The following KCNQ5 variants were observed in gnomAD, a reference collection of about 807,000 sequenced individuals.
KCNQ5 encodes potassium voltage-gated channel subfamily KQT member 5.
Under a neutral mutation model 98.2 loss-of-function variants are expected in KCNQ5, and 30 were observed. The observed-to-expected ratio is 0.31, with a 90% CI of 0.23 to 0.41. The LOEUF is 0.41. KCNQ5 is among the 10% of genes least tolerant of loss of function. KCNQ5 has a pLI of 1.00. For missense variants in KCNQ5, 835 were observed against 1,182.5 expected (o/e 0.71, Z 4.31); for synonymous variants, 458 against 449.4 (o/e 1.02, Z -0.24).
intron 2 of KCNQ5, among the ~76,000 whole-genome samples, chr6:73,020,695 G>A (rs1770562706): frequency 6.6e-6 from 1 of 152,108 alleles, no homozygotes; most frequent in African/African-American, 2.4e-5. Flanking sequence ...TCCTGAAGCT[G>A]CCTAGGGGTT....
intron 1 of KCNQ5, among the ~76,000 whole-genome samples, chr6:72,641,583 A>T (rs756147569): frequency 6.6e-6 from 1 of 152,104 alleles, no homozygotes; most frequent in African/African-American, 2.4e-5. Context: ...CAGCTTTGCA[A>T]GCACACTATT....
intron 1 of KCNQ5, among the ~76,000 whole-genome samples, chr6:72,688,132 G>A (rs1768046999): frequency 6.6e-6 from 1 of 152,162 alleles, no homozygotes; most frequent in Non-Finnish European, 1.5e-5. Flanking sequence ...CTAAATGCAT[G>A]TTACATTGCT....
intron 1 of KCNQ5, among the ~76,000 whole-genome samples, chr6:72,974,860 C>T (rs1768086712): frequency 6.6e-6 from 1 of 152,060 alleles, no homozygotes; most frequent in African/African-American, 2.4e-5. Flanking sequence ...CTGCCTCAGC[C>T]TCCCAAGTAG....
intron 1 of KCNQ5, among the ~76,000 whole-genome samples, chr6:72,626,159 A>G (rs1241015456): frequency 6.6e-6 from 1 of 152,248 alleles, no homozygotes; most frequent in Non-Finnish European, 1.5e-5. Context: ...GCCTGTGAAC[A>G]AGTGTGAAAC....
intron 5 of KCNQ5, among the ~76,000 whole-genome samples, chr6:73,100,717 A>T (rs908142374): frequency 6.6e-6 from 1 of 151,914 alleles, no homozygotes; most frequent in African/African-American, 2.4e-5. Flanking sequence ...TGTTTTTTGA[A>T]AAGATAAACA....
At chr6:73,150,206 T>C (rs1449153610) in intron 10 of KCNQ5, among the ~76,000 whole-genome samples, 3 of 151,946 alleles carry the variant, frequency 2.0e-5, no homozygotes. Context: ...AAACTAGGGA[T>C]GACACAAAAT....
chr6:72,844,215 G>T (rs1298979760), intron 1 of KCNQ5, among the ~76,000 whole-genome samples: 2 of 152,124 alleles, frequency 1.3e-5, no homozygotes, highest in East Asian at 3.9e-4. Context: ...TTTTTGGAGG[G>T]AATGAGCTCA....
At chr6:72,669,704 C>T (rs900416569) in intron 1 of KCNQ5, among the ~76,000 whole-genome samples, 1 of 152,134 alleles carries the variant, frequency 6.6e-6, no homozygotes, top group Non-Finnish European at 1.5e-5. Context: ...CCAAGAAGTT[C>T]GACAGCCTTC....
rs1767505435 is a variant in KCNQ5, at chr6:72,964,290, TTGCAATTTCATG to T, written c.399-39615_399-39604del. 2.0e-5 allele frequency among the ~76,000 whole-genome samples: 3 copies of T among 152,286 alleles called. No homozygotes were observed. The South Asian group carries it at 6.2e-4, about 32-fold the overall frequency. On this transcript the variant is annotated intron_variant, in intron 1 of 13. Coordinates refer to ENST00000370398, the MANE Select transcript of KCNQ5 (RefSeq NM_019842.4). ...CTCACTTTACTCCTCTGGATGACCC[TTGCAATTTCATG>T]TGGATTATTATAGAGATCTGGTCAA...
At chr6:72,768,642 T>C (rs2154477325) in intron 1 of KCNQ5, among the ~76,000 whole-genome samples, 1 of 151,990 alleles carries the variant, frequency 6.6e-6, no homozygotes, top group East Asian at 1.9e-4. Flanking sequence ...TCAACGTAAT[T>C]GGAGGAAAGT....
chr6:72,699,534 T>C (rs958444153), intron 1 of KCNQ5, among the ~76,000 whole-genome samples: 3 of 152,226 alleles, frequency 2.0e-5, no homozygotes, highest in African/African-American at 7.2e-5. Context: ...ATTATCCTAC[T>C]TGGCTGCTTA....
intron 1 of KCNQ5, among the ~76,000 whole-genome samples, chr6:72,745,780 A>G (rs1314221879): frequency 6.6e-6 from 1 of 152,160 alleles, no homozygotes; most frequent in Non-Finnish European, 1.5e-5. Context: ...GTTTGAAGTC[A>G]AGGTGTGTCT....
chr6:73,192,636 A>G lies in KCNQ5; in HGVS notation c.1781A>G (p.His594Arg), dbSNP rs1239079699. ...AGCCGAGAGAAAATAACAGCAGAAC[A>G]TGAGACCACAGACGATCTCAGTATG... ...KKSREKITAE[H>R]ETTDDLSMLG... Residue 594 changes from histidine (H) to arginine (R), a missense_variant, in exon 13 of 14, where the codon CAT becomes CGT. Physicochemically the swap from His to Arg is conservative, Grantham distance 29. This residue lies in a region of KCNQ5 where 416 missense variants were observed against 446.9 expected (regional missense o/e 0.93). Transcript: ENST00000370398. 1.9e-6 allele frequency: 3 copies of G among 1,612,936 alleles called. No homozygotes were observed. Among genetic ancestry groups the G allele is most frequent in the Admixed American group, 1.7e-5 (1 of 59,824 alleles).
chr6:73,083,608 T>C (rs75884466), intron 5 of KCNQ5, among the ~76,000 whole-genome samples: 1 of 152,240 alleles, frequency 6.6e-6, no homozygotes, highest in Non-Finnish European at 1.5e-5. Context: ...GAATATTACA[T>C]TTATGTGCTT....
At chr6:73,186,896 C>T (rs1765384320) in intron 11 of KCNQ5, among the ~76,000 whole-genome samples, 1 of 151,936 alleles carries the variant, frequency 6.6e-6, no homozygotes, top group Non-Finnish European at 1.5e-5. Flanking sequence ...CACCCATTAA[C>T]TCGTCATTTA....
In KCNQ5 at chr6:73,058,789, G is replaced by A. The variant is rs542465773; in HGVS notation, c.616+16727G>A. Among the ~76,000 whole-genome samples, 12 of 152,210 alleles carry A rather than the reference G, an allele frequency of 7.9e-5. No individual in the cohort carries two copies. The South Asian group carries it at 1.9e-3, about 24-fold the overall frequency. ...GACACTTGTAAAAGAAGACATACACGTGGCCAAGAAGCATATAAAAAAATG... is the reference window on the plus strand; with the variant it reads ...GACACTTGTAAAAGAAGACATACACATGGCCAAGAAGCATATAAAAAAATG... On this transcript the variant is annotated intron_variant, in intron 3 of 13. Coordinates refer to ENST00000370398, the MANE Select transcript of KCNQ5 (RefSeq NM_019842.4).
At chr6:72,904,823 ATTTAG>A (rs1332432434) in intron 1 of KCNQ5, among the ~76,000 whole-genome samples, 3 of 151,998 alleles carry the variant, frequency 2.0e-5, no homozygotes, top group Non-Finnish European at 4.4e-5. Flanking sequence ...AATAATCTTC[ATTTAG>A]ATAACCTGAT....
intron 1 of KCNQ5, among the ~76,000 whole-genome samples, chr6:72,656,101 G>A (rs1766184015): frequency 6.6e-6 from 1 of 152,118 alleles, no homozygotes; most frequent in Admixed American, 6.6e-5. Context: ...TACCACTTTT[G>A]TCTGTATTAA....
intron 5 of KCNQ5, among the ~76,000 whole-genome samples, chr6:73,078,693 A>G (rs1165194194): frequency 6.6e-6 from 1 of 152,232 alleles, no homozygotes; most frequent in Non-Finnish European, 1.5e-5. Context: ...ATTTATTTAC[A>G]TGTCCATAGG....
Sources: gnomAD v4.1 joint callset for allele counts (sites outside exome capture counted in the v4.1 genomes callset) on GRCh38, gnomAD v4.1.1 for gene constraint, gnomAD v4.1.1 regional missense constraint, MANE v1.5 for transcripts, NCBI Gene and HGNC (gene_info 2026-07-23, HGNC 2026-07-21) for gene names.